The following NFIB variants were observed in gnomAD, a reference collection of about 807,000 sequenced individuals.
NFIB encodes the protein nuclear factor I B.
A neutral mutation model predicts 61.5 loss-of-function variants in NFIB; 11 were observed. The observed-to-expected ratio is 0.18, with a 90% confidence interval of 0.11 to 0.30. The LOEUF is 0.30. Among genes scored for constraint, NFIB ranks in the 10% least tolerant of loss-of-function variants. NFIB has a pLI of 1.00. For missense variants in NFIB, 471 were observed against 608.9 expected (o/e 0.77, Z 2.38); for synonymous variants, 260 against 216.5 (o/e 1.20, Z -1.76).
intron 10 of NFIB, among the ~76,000 whole-genome samples, chr9:14,100,992 ATAT>A (rs1737231697): frequency 1.3e-5 from 2 of 152,250 alleles, no homozygotes; most frequent in Non-Finnish European, 2.9e-5. Flanking sequence ...AAATATGGAA[ATAT>A]TAGGTTATTA....
intron 2 of NFIB, among the ~76,000 whole-genome samples, chr9:14,254,108 C>T (rs2055951989): frequency 6.6e-6 from 1 of 152,098 alleles, no homozygotes; most frequent in Admixed American, 6.5e-5. Context: ...TTGAGACTAG[C>T]CTGGCCAACA....
At chr9:14,380,785 G>A (rs1466497794) in intron 1 of NFIB, among the ~76,000 whole-genome samples, 1 of 152,040 alleles carries the variant, frequency 6.6e-6, no homozygotes, top group Non-Finnish European at 1.5e-5. Context: ...TGCCATCCCT[G>A]TTTCTTCTAA....
intron 1 of NFIB, chr9:14,321,833 C>A: frequency 8.4e-7 from 1 of 1,192,996 alleles, no homozygotes; most frequent in South Asian, 4.3e-5. Flanking sequence ...GTAAAACAGC[C>A]ACTTTGCAAT....
the NFIB span, among the ~76,000 whole-genome samples, chr9:14,481,856 T>C: frequency 6.6e-6 from 1 of 152,160 alleles, no homozygotes; most frequent in Admixed American, 6.5e-5. Flanking sequence ...CCAGGTGCTA[T>C]GCAGGTTCTT....
Position 14,393,738 on chromosome 9 carries a change from G to A in NFIB, c.108+4786C>T, listed in dbSNP as rs186303022. ...AATAGGCTTTACTGAGTTGTCTGCA[G>A]AGACCATTTCCAAGAACTGATAATA... On this transcript the variant is annotated intron_variant, in intron 1 of 8. Coordinates refer to the NFIB transcript ENST00000380934. 9.2e-5 allele frequency among the ~76,000 whole-genome samples: 14 copies of A among 152,322 alleles called. No homozygotes were observed. The East Asian group carries it at 2.5e-3, about 27-fold the overall frequency.
At chr9:14,314,275 T>G, upstream of NFIB, 1 of 490,666 alleles carries the variant, frequency 2.0e-6, no homozygotes, top group Non-Finnish European at 2.7e-6. Context: ...CGGCGCGTGG[T>G]CCCCGGCAGC....
chr9:14,124,761 A>G (rs932833585), intron 7 of NFIB, among the ~76,000 whole-genome samples: 1 of 152,172 alleles, frequency 6.6e-6, no homozygotes. Context: ...TTAAAGTACA[A>G]ATGTCAAATA....
chr9:14,116,142 C>T, intron 9 of NFIB, 66 bp downstream of exon 9: 2 of 1,393,052 alleles, frequency 1.4e-6, no homozygotes, highest in Non-Finnish European at 1.9e-6. Context: ...CCAATGGTGC[C>T]TCTGATGGAC....
At chr9:14,450,596 C>T in the NFIB span, among the ~76,000 whole-genome samples, 2 of 152,108 alleles carry the variant, frequency 1.3e-5, no homozygotes, top group African/African-American at 4.8e-5. Context: ...TAACTAAGTG[C>T]CCCTCTACAC....
At chr9:14,147,710 T>C (rs1019830842) in intron 5 of NFIB, among the ~76,000 whole-genome samples, 17 of 150,688 alleles carry the variant, frequency 1.1e-4, no homozygotes, top group African/African-American at 4.2e-4. Flanking sequence ...GGCTCAATCT[T>C]GGCTCACAGC....
intron 6 of NFIB, among the ~76,000 whole-genome samples, chr9:14,136,929 A>AT (rs568921708): frequency 4.4e-4 from 67 of 152,086 alleles, no homozygotes; most frequent in Admixed American, 9.2e-4. Context: ...CTAAATCTAT[A>AT]TTTTTTTTCT....
intron 2 of NFIB, among the ~76,000 whole-genome samples, chr9:14,277,594 G>C (rs1012561252): frequency 2.0e-5 from 3 of 152,188 alleles, no homozygotes; most frequent in African/African-American, 7.2e-5. Context: ...ACAACAACTT[G>C]TTTGAGCTCT....
intron 2 of NFIB, among the ~76,000 whole-genome samples, chr9:14,225,255 A>C (rs1308330506): frequency 6.6e-6 from 1 of 152,056 alleles, no homozygotes; most frequent in Admixed American, 6.6e-5. Context: ...CTATAAAAAA[A>C]TATATAAATC....
intron 1 of NFIB, among the ~76,000 whole-genome samples, chr9:14,376,213 C>T (rs1197309104): frequency 6.6e-6 from 1 of 152,236 alleles, no homozygotes; most frequent in East Asian, 1.9e-4. Context: ...GGGATGCCAC[C>T]ATGTTCAGTT....
chr9:14,404,313 A>T, the NFIB span, among the ~76,000 whole-genome samples: 1 of 152,190 alleles, frequency 6.6e-6, no homozygotes, highest in East Asian at 1.9e-4. Context: ...ACATTTATTG[A>T]GTGACTACCA....
chr9:14,437,499 C>G, the NFIB span, among the ~76,000 whole-genome samples: 31 of 152,166 alleles, frequency 2.0e-4, no homozygotes, highest in Non-Finnish European at 1.2e-4. Flanking sequence ...GTTGACTTCC[C>G]CTTCCAGAGT....
chr9:14,161,336 A>G (rs2044177367), intron 3 of NFIB, among the ~76,000 whole-genome samples: 1 of 152,132 alleles, frequency 6.6e-6, no homozygotes, highest in Non-Finnish European at 1.5e-5. Context: ...CCAGGTTAAC[A>G]TTCAAATATT....
chr9:14,204,109 T>A (rs2049358028), intron 2 of NFIB: 1 of 399,988 alleles, frequency 2.5e-6, no homozygotes, highest in Non-Finnish European at 4.4e-6. Flanking sequence ...ATTTGTTTTC[T>A]TCTCATCCTT....
chr9:14,465,665 C>T, the NFIB span, among the ~76,000 whole-genome samples: 2 of 151,892 alleles, frequency 1.3e-5, no homozygotes, highest in East Asian at 1.9e-4. Flanking sequence ...AATCACCACT[C>T]GAGGGAGCCC....
Sources: allele counts gnomAD v4.1 joint callset (sites outside exome capture counted in the v4.1 genomes callset), GRCh38; gene constraint gnomAD v4.1.1; transcripts MANE v1.5; gene names NCBI Gene and HGNC (gene_info 2026-07-23, HGNC 2026-07-21).